The following TNFSF15 variants were observed in gnomAD, a reference collection of about 807,000 sequenced individuals.
TNFSF15 encodes tumor necrosis factor ligand superfamily member 15.
Under a neutral mutation model 26.4 loss-of-function variants are expected in TNFSF15, and 15 were observed. That is an observed-to-expected ratio of 0.57 (90% CI 0.38 to 0.87). The LOEUF is 0.87. Among genes scored for constraint, TNFSF15 ranks in the 40% least tolerant of loss-of-function variants. The probability of loss-of-function intolerance (pLI) is 0.00; values close to 1 mark genes in which losing one functional copy is unlikely to be tolerated. For missense variants in TNFSF15, 290 were observed against 306.1 expected (o/e 0.95, Z 0.39); for synonymous variants, 116 against 115.0 (o/e 1.01, Z -0.06).
At chr9:114,793,706 A>C (rs1829639115) in intron 1 of TNFSF15, 138 bp from the exon 2 acceptor site, 1 of 768,460 alleles carries the variant, frequency 1.3e-6, no homozygotes, top group Non-Finnish European at 2.2e-6. Flanking sequence ...AATGAGAATG[A>C]AAATATTTTT....
chr9:114,799,110 C>T (rs1321600737), intron 1 of TNFSF15, among the ~76,000 whole-genome samples: 1 of 152,150 alleles, frequency 6.6e-6, no homozygotes, highest in African/African-American at 2.4e-5. Context: ...CTCCAAGGTG[C>T]CCTGGATAGG....
chr9:114,789,472 G>C lies in TNFSF15; in HGVS notation c.*980C>G, dbSNP rs1261133383. ...CAGGATTACAGCCATGCGCTACCACGCCCGGCTAATTTTGTATTTTTAGTA... is the reference window on the plus strand; with the variant it reads ...CAGGATTACAGCCATGCGCTACCACCCCCGGCTAATTTTGTATTTTTAGTA... On this transcript the variant is annotated 3_prime_UTR_variant, in exon 4 of 4. Coordinates refer to ENST00000374045, the MANE Select transcript of TNFSF15 (RefSeq NM_005118.4). 1 of 152,108 alleles carries C rather than the reference G, an allele frequency of 6.6e-6. No individual in the cohort carries two copies. The highest frequency in any genetic ancestry group is 1.5e-5 in the Non-Finnish European group (1 of 68,068). 9.4% of individuals were successfully genotyped at this position (152,108 alleles called of 1,614,324 possible).
chr9:114,801,475 C>T lies in TNFSF15; in HGVS notation c.210+4328G>A, dbSNP rs569692041. On this transcript the variant is annotated intron_variant, in intron 1 of 3. Coordinates refer to ENST00000374045, the MANE Select transcript of TNFSF15 (RefSeq NM_005118.4). ...AAAATCCCTCTAGTATCAACACCTA[C>T]TCTCTGGCCAGGCGATGGCAAATTC... Among the ~76,000 whole-genome samples the T allele has an allele frequency of 9.8e-5, 15 of 152,320 alleles. No homozygotes were observed. The East Asian group carries it at 2.9e-3, about 29-fold the overall frequency.
chr9:114,792,775 G>A (rs1829623919), intron 2 of TNFSF15, among the ~76,000 whole-genome samples: 1 of 152,180 alleles, frequency 6.6e-6, no homozygotes, highest in African/African-American at 2.4e-5. Flanking sequence ...GAGGTGCTTA[G>A]CATGAATTTT....
At chr9:114,796,963 T>C (rs1829680286) in intron 1 of TNFSF15, among the ~76,000 whole-genome samples, 1 of 152,222 alleles carries the variant, frequency 6.6e-6, no homozygotes, top group Admixed American at 6.5e-5. Flanking sequence ...GTCTATTGCC[T>C]TCCTTGATAT....
intron 1 of TNFSF15, 32 bp downstream of exon 1, chr9:114,805,768 GCTC>G: frequency 6.2e-7 from 1 of 1,600,502 alleles, no homozygotes; most frequent in South Asian, 1.1e-5. Context: ...AGAGTCCACT[GCTC>G]CTCCCCAAGG....
intron 3 of TNFSF15, chr9:114,791,290 C>T (rs935046347): frequency 5.0e-5 from 16 of 320,932 alleles, no homozygotes; most frequent in African/African-American, 2.2e-4. Flanking sequence ...TAAAACTCAT[C>T]GATGCCTCTC....
intron 3 of TNFSF15, 61 bp from the exon 4 acceptor site, chr9:114,790,967 A>G (rs1829588642): frequency 9.0e-6 from 14 of 1,553,162 alleles, no homozygotes; most frequent in African/African-American, 1.4e-5. Flanking sequence ...TTGCTTAAAA[A>G]GTGTCTCATA....
intron 1 of TNFSF15, among the ~76,000 whole-genome samples, chr9:114,804,586 C>T (rs192143599): frequency 1.3e-5 from 2 of 152,344 alleles, no homozygotes; most frequent in East Asian, 1.9e-4. Context: ...CAACTGGGCG[C>T]TGCAGTTTGA....
At position 114,805,936 on chromosome 9, in the gene TNFSF15, G is replaced by C; in HGVS notation, c.77C>G (p.Pro26Arg). The change falls in exon 1 of 4, where the codon CCC (proline) becomes CGC (arginine). Residue 26 changes from proline (P) to arginine (R), a missense_variant. This residue lies in a region of TNFSF15 where 179 missense variants were observed against 165.9 expected (regional missense o/e 1.08). Transcript: ENST00000374045. ...GCGTGCGCTGCTGCTCCTGGCCTTG[G>C]GCCTGCAGCTGCCGTGCTCTGGCAG... ...EMLPEHGSCR[P>R]KARSSSARWA... The C allele has an allele frequency of 6.2e-7, 1 of 1,614,064 alleles. No homozygotes were observed. Among genetic ancestry groups the C allele is most frequent in the Non-Finnish European group, 8.5e-7 (1 of 1,180,036 alleles).
chr9:114,798,335 T>C (rs946562285), intron 1 of TNFSF15, among the ~76,000 whole-genome samples: 3 of 152,160 alleles, frequency 2.0e-5, no homozygotes, highest in Non-Finnish European at 4.4e-5. Context: ...TCCTTAGTTC[T>C]TGTAGGTCAG....
intron 1 of TNFSF15, among the ~76,000 whole-genome samples, chr9:114,799,422 T>C (rs1157956865): frequency 3.3e-5 from 5 of 152,212 alleles, no homozygotes; most frequent in African/African-American, 9.7e-5. Flanking sequence ...AGGACTTCAG[T>C]TGTACACAGA....
rs929055376 is a variant in TNFSF15, at chr9:114,785,179, A to G, written c.*5273T>C. 2.0e-5 allele frequency: 3 copies of G among 152,236 alleles called. No individual in the cohort carries two copies. The highest frequency in any genetic ancestry group is 2.9e-5 in the Non-Finnish European group (2 of 68,046). The allele number at this position is 152,236 out of a possible 1,614,324, so 9.4% of individuals were successfully genotyped here. On this transcript the variant is annotated 3_prime_UTR_variant, in exon 4 of 4. Transcript: ENST00000374045. ...CTTATTGTTAAGATATCTAAATTCT[A>G]CTTTTAGCATCCAACTAGCTACTGT...
At chr9:114,795,606 C>T (rs1198911811) in intron 1 of TNFSF15, among the ~76,000 whole-genome samples, 1 of 152,146 alleles carries the variant, frequency 6.6e-6, no homozygotes, top group Non-Finnish European at 1.5e-5. Context: ...TGTGCAAATA[C>T]TATGCCATTT....
intron 3 of TNFSF15, 135 bp downstream of exon 3, chr9:114,792,272 T>G: frequency 6.6e-6 from 6 of 905,972 alleles, no homozygotes; most frequent in Admixed American, 2.7e-5. Context: ...CACACTGGAA[T>G]ATTGAGGGGA....
chr9:114,805,408 A>G (rs983025276), intron 1 of TNFSF15, among the ~76,000 whole-genome samples: 2 of 152,220 alleles, frequency 1.3e-5, no homozygotes, highest in South Asian at 2.1e-4. Context: ...GTGGTCAGCT[A>G]TAAGAGTTAT....
In TNFSF15 at chr9:114,792,224, T is replaced by TACAC. The variant is rs142936750; in HGVS notation, c.301+179_301+182dup. On this transcript the variant is annotated intron_variant, in intron 3 of 3. Coordinates refer to ENST00000374045, the MANE Select transcript of TNFSF15 (RefSeq NM_005118.4). ...GTGTGTGTGTATATACATATGTGTG[T>TACAC]ACACACACACACACACACACACACA... 4,418 of 559,068 alleles carry TACAC rather than the reference T, an allele frequency of 7.9e-3. 20 individuals are homozygous for TACAC. The highest frequency in any genetic ancestry group is 0.011 in the Non-Finnish European group (3,356 of 317,546). The allele number at this position is 559,068 out of a possible 1,614,324, so 34.6% of individuals were successfully genotyped here.
Position 114,806,007 on chromosome 9 carries a change from G to T in TNFSF15, c.6C>A (p.Ala2=). The part of the protein sequence containing the change: M[A]EDLGLSFGET... ...CCCCAAAGCTCAGTCCCAGATCCTC[G>T]GCCATGCTCCTGCTGCTCCTGGAGG... Residue 2 remains alanine (A), a synonymous_variant, in exon 1 of 4, where the codon GCC becomes GCA. Transcript: ENST00000374045. The T allele has an allele frequency of 6.2e-7, 1 of 1,613,528 alleles. No homozygotes were observed. Among genetic ancestry groups the T allele is most frequent in the Non-Finnish European group, 8.5e-7 (1 of 1,179,824 alleles).
At chr9:114,796,075 C>G (rs1054639858) in intron 1 of TNFSF15, among the ~76,000 whole-genome samples, 5 of 152,168 alleles carry the variant, frequency 3.3e-5, no homozygotes, top group Admixed American at 2.6e-4. Flanking sequence ...TTAAAGCCAC[C>G]ATTACTGCTT....
Sources: gnomAD v4.1 joint callset for allele counts (sites outside exome capture counted in the v4.1 genomes callset) on GRCh38, gnomAD v4.1.1 for gene constraint, gnomAD v4.1.1 regional missense constraint, MANE v1.5 for transcripts, NCBI Gene and HGNC (gene_info 2026-07-23, HGNC 2026-07-21) for gene names.